Variants in HMX1 observed in about 807,000 individuals in gnomAD.
HMX1 encodes homeobox protein HMX1.
In HMX1, 8 loss-of-function variants were observed where a neutral mutation model predicts 8.9. The ratio of observed to expected loss-of-function variants is 0.90; its 90% CI spans 0.53 to 1.63. HMX1 has a LOEUF of 1.63. Ranked by LOEUF, HMX1 falls within the 40% of genes most tolerant of loss-of-function variation. The pLI, the probability that HMX1 is intolerant of heterozygous loss-of-function variation, is 0.00. For missense variants in HMX1, 621 were observed against 558.5 expected (o/e 1.11, Z -1.13); for synonymous variants, 311 against 283.4 (o/e 1.10, Z -0.98).
At position 8,847,150 on chromosome 4, in the gene HMX1, C is replaced by A. The variant is rs1319531790; in HGVS notation, c.395-826G>T. On this transcript the variant is annotated intron_variant, in intron 1 of 1. Transcript: ENST00000506970. The surrounding 1 kb of genome is among the most constrained non-coding windows in gnomAD (Gnocchi z 6.0). ...AAAGTCTACAAATAAAAGTACAAAG[C>A]CATTGAGCCGGGCGTGGTGAGGGAT... Among the ~76,000 whole-genome samples the A allele has an allele frequency of 6.6e-6, 1 of 152,134 alleles. No homozygotes were observed. The highest frequency in any genetic ancestry group is 1.5e-5 in the Non-Finnish European group (1 of 68,024).
downstream of HMX1, among the ~76,000 whole-genome samples, chr4:8,864,486 ATCT>A (rs1316428342): frequency 6.6e-6 from 1 of 152,150 alleles, no homozygotes. Flanking sequence ...GAAGCCATTC[ATCT>A]TCTGCCAGTG....
chr4:8,862,081 C>T (rs1202915230), downstream of HMX1, among the ~76,000 whole-genome samples: 4 of 152,228 alleles, frequency 2.6e-5, no homozygotes, highest in South Asian at 4.1e-4. Flanking sequence ...GCGCCAGGTG[C>T]CCTGGGTGGG....
chr4:8,859,722 G>A (rs1444750007), intron 1 of HMX1, among the ~76,000 whole-genome samples: 2 of 152,236 alleles, frequency 1.3e-5, no homozygotes, highest in African/African-American at 4.8e-5. Flanking sequence ...ATGTGACGTG[G>A]AGTCGCACTG....
rs1376287271 is a variant in HMX1 at position 8,868,260 on chromosome 4, C to T, written c.480G>A (p.Val160=). 2.1e-6 allele frequency: 3 copies of T among 1,446,780 alleles called. No individual in the cohort carries two copies. The highest frequency in any genetic ancestry group is 2.7e-6 in the Non-Finnish European group (3 of 1,106,946). 89.6% of individuals were successfully genotyped at this position (1,446,780 alleles called of 1,614,324 possible). The stretch of plus-strand genomic sequence containing the variant: ...CCGCCAGCTCCGCTGCCTCCCGCTG[C>T]ACCGCTCCCGGCCCGGGGCCTCGCG... The part of the protein sequence containing the change: ...AWPRGPGPGA[V]QREAAELAAR... Residue 160 remains valine (V), a synonymous_variant, in exon 2 of 2, where the codon GTG becomes GTA. Transcript: ENST00000400677. The surrounding 1 kb of genome is among the most constrained non-coding windows in gnomAD (Gnocchi z 4.6).
Position 8,868,123 on chromosome 4 carries a change from G to C in HMX1, c.617C>G (p.Thr206Arg), listed in dbSNP as rs892961907. The change falls in exon 2 of 2, where the codon ACG (threonine) becomes AGG (arginine). Residue 206 changes from threonine to arginine, a missense_variant. Physicochemically the swap from Thr to Arg is moderately conservative, Grantham distance 71. Transcript: ENST00000400677. This position sits in a 1 kb window ranked among gnomAD's most constrained non-coding sequence, Gnocchi z 4.6. The part of the protein sequence containing the change: ...VGVGGGRKKK[T>R]RTVFSRSQVF... ...CTGGCTGCGGGAGAAGACTGTGCGC[G>C]TCTTCTTCTTTCGGCCGCCGCCCAC... is the stretch of plus-strand genomic sequence containing the variant. The C allele has an allele frequency of 2.0e-6, 3 of 1,515,714 alleles. No individual in the cohort carries two copies. Among genetic ancestry groups the C allele is most frequent in the Non-Finnish European group, 1.8e-6 (2 of 1,136,028 alleles). 93.9% of individuals were successfully genotyped at this position (1,515,714 alleles called of 1,614,324 possible). A position where few individuals can be genotyped will look rare whatever the true frequency, so the allele number is the denominator to read the frequency against.
intron 1 of HMX1, chr4:8,860,594 A>C (rs993339506): frequency 2.6e-5 from 4 of 152,274 alleles, no homozygotes; most frequent in Admixed American, 2.0e-4. Context: ...GGCGGCAGAG[A>C]GCCCCGCGTC....
rs1208649628 is a variant in HMX1 at position 8,870,860 on chromosome 4, C to A, written c.394+361G>T. Among the ~76,000 whole-genome samples, 4 of 145,040 alleles carry A rather than the reference C, an allele frequency of 2.8e-5. No individual in the cohort carries two copies. Among genetic ancestry groups the A allele is most frequent in the South Asian group, 2.3e-4 (1 of 4,436 alleles). On this transcript the variant is annotated intron_variant, in intron 1 of 1. Coordinates refer to ENST00000400677, the MANE Select transcript of HMX1 (RefSeq NM_018942.3). The surrounding 1 kb of genome is among the most constrained non-coding windows in gnomAD (Gnocchi z 4.4). ...CTTTCTTCCTCCATCCTCCCATTTTCTTTCTCAGCCTCTTTCGCCTTCTCC... is the reference window on the plus strand; with the variant it reads ...CTTTCTTCCTCCATCCTCCCATTTTATTTCTCAGCCTCTTTCGCCTTCTCC...
In HMX1 at chr4:8,871,486, C is replaced by T. The variant is rs1722221911; in HGVS notation, c.129G>A (p.Glu43=). ...GRATQGDGSR[E]DEEEDDDDPE... is the part of the protein sequence containing the mutation. ...GGTCGTCGTCGTCCTCCTCCTCGTC[C>T]TCCCGGCTGCCGTCGCCCTGGGTCG... The change falls in exon 1 of 2, where the codon GAG becomes GAA. Residue 43 remains glutamate (E), a synonymous_variant. Transcript: ENST00000400677. The surrounding 1 kb of genome is among the most constrained non-coding windows in gnomAD (Gnocchi z 4.8). 10 of 1,340,302 alleles carry T rather than the reference C, an allele frequency of 7.5e-6. No homozygotes were observed. Among genetic ancestry groups the T allele is most frequent in the Non-Finnish European group, 9.6e-6 (10 of 1,041,890 alleles). The allele number at this position is 1,340,302 out of a possible 1,614,324, so 83.0% of individuals were successfully genotyped here.
At chr4:8,864,962 T>C (rs1312397715), downstream of HMX1, among the ~76,000 whole-genome samples, 1 of 150,510 alleles carries the variant, frequency 6.6e-6, no homozygotes, top group Non-Finnish European at 1.5e-5. Flanking sequence ...GTGTAGACCC[T>C]GCACCCTCTG....
In HMX1 at chr4:8,871,231, G is replaced by C; in HGVS notation, c.384C>G (p.Leu128=). Residue 128 remains leucine, a synonymous_variant, in exon 1 of 2, where the codon CTC becomes CTG. Coordinates refer to ENST00000400677, the MANE Select transcript of HMX1 (RefSeq NM_018942.3). The surrounding 1 kb of genome is among the most constrained non-coding windows in gnomAD (Gnocchi z 4.8). ...PRAHGGYGGG[L]SPDTSDRDSP... is the part of the protein sequence containing the mutation. ...CGCGCCCTCACTCACTGTCAGGACTGAGGCCGCCTCCATAGCCACCGTGCG... is the reference window on the plus strand; with the variant it reads ...CGCGCCCTCACTCACTGTCAGGACTCAGGCCGCCTCCATAGCCACCGTGCG... 1 of 1,480,890 alleles carries C rather than the reference G, an allele frequency of 6.8e-7. No individual in the cohort carries two copies. The highest frequency in any genetic ancestry group is 8.9e-7 in the Non-Finnish European group (1 of 1,122,520). The allele number at this position is 1,480,890 out of a possible 1,614,324, so 91.7% of individuals were successfully genotyped here. A position where few individuals can be genotyped will look rare whatever the true frequency, so the allele number is the denominator to read the frequency against.
At chr4:8,863,262 C>T (rs1721890172), downstream of HMX1, among the ~76,000 whole-genome samples, 1 of 152,206 alleles carries the variant, frequency 6.6e-6, no homozygotes, top group Non-Finnish European at 1.5e-5. Flanking sequence ...AATTCCTGCC[C>T]CTCTCAGAAC....
chr4:8,871,377 C>G lies in HMX1; in HGVS notation c.238G>C (p.Glu80Gln). The G allele has an allele frequency of 8.1e-7, 1 of 1,237,100 alleles. No individual in the cohort carries two copies. Among genetic ancestry groups the G allele is most frequent in the Non-Finnish European group, 1.0e-6 (1 of 988,490 alleles). The allele number at this position is 1,237,100 out of a possible 1,614,324, so 76.6% of individuals were successfully genotyped here. ...CCGAGCAGCGCACGGGCCCGCGCCTCCCCGCCGGGCCCGGTGCCCGCGAGC... is the reference window on the plus strand; with the variant it reads ...CCGAGCAGCGCACGGGCCCGCGCCTGCCCGCCGGGCCCGGTGCCCGCGAGC... Reference protein sequence around the residue: ...QLLAGTGPGGEARARALLGPG... With the variant: ...QLLAGTGPGGQARARALLGPG... The change falls in exon 1 of 2, where the codon GAG (glutamate) becomes CAG (glutamine). Residue 80 changes from glutamate (E) to glutamine (Q), a missense_variant. Physicochemically the swap from Glu to Gln is conservative, Grantham distance 29. Transcript: ENST00000400677. The surrounding 1 kb of genome is among the most constrained non-coding windows in gnomAD (Gnocchi z 4.8).
At chr4:8,861,667 G>T (rs1485248475) in intron 1 of HMX1, among the ~76,000 whole-genome samples, 1 of 151,562 alleles carries the variant, frequency 6.6e-6, no homozygotes, top group South Asian at 2.1e-4. Flanking sequence ...CTTCCCGGGC[G>T]GTTGGCGAAA....
rs565456929 is a variant in HMX1 at position 8,852,588 on chromosome 4, G to C, written c.395-6264C>G. Among the ~76,000 whole-genome samples the C allele has an allele frequency of 1.0e-3, 158 of 151,356 alleles. 1 individual carries two copies. The highest frequency in any genetic ancestry group is 1.7e-3 in the Non-Finnish European group (117 of 68,008). On this transcript the variant is annotated intron_variant, in intron 1 of 1. Transcript: ENST00000506970. The stretch of plus-strand genomic sequence containing the variant: ...GGGGAACTGGACGCATCCCACCCCT[G>C]TGTCTGAGCTCACGGGAGTCAGCCT...
At chr4:8,865,806 C>T (rs548792503), downstream of HMX1, among the ~76,000 whole-genome samples, 10 of 152,280 alleles carry the variant, frequency 6.6e-5, no homozygotes, top group South Asian at 1.7e-3. Context: ...CAGATGAAAC[C>T]GAGTGAGAAC....
chr4:8,852,209 A>G (rs1721472660), intron 1 of HMX1, among the ~76,000 whole-genome samples: 2 of 152,240 alleles, frequency 1.3e-5, no homozygotes, highest in Admixed American at 6.5e-5. Context: ...TTTAGTGGCA[A>G]TTTGTAATAA....
intron 1 of HMX1, among the ~76,000 whole-genome samples, chr4:8,856,773 T>C (rs140068179): frequency 2.6e-5 from 4 of 152,226 alleles, no homozygotes; most frequent in African/African-American, 7.2e-5. Flanking sequence ...AAAAACTACA[T>C]ACATCATGAG....
rs1426480550 is a variant in HMX1, at chr4:8,868,883, T to A, written c.395-538A>T. Among the ~76,000 whole-genome samples, 1 of 152,060 alleles carries A rather than the reference T, an allele frequency of 6.6e-6. No individual in the cohort carries two copies. Among genetic ancestry groups the A allele is most frequent in the East Asian group, 1.9e-4 (1 of 5,166 alleles). The stretch of plus-strand genomic sequence containing the variant: ...AGGAGGAATGAAGAGTTCACAGGCC[T>A]CTTCCCGCGCCCTCTGCCCGCTTGC... On this transcript the variant is annotated intron_variant, in intron 1 of 1. Transcript: ENST00000400677. This position sits in a 1 kb window ranked among gnomAD's most constrained non-coding sequence, Gnocchi z 4.6.
rs985335982 is a variant in HMX1 at position 8,848,170 on chromosome 4, G to A, written c.395-1846C>T. ...AATAAAACTTCGGCATCTGAATGGA[G>A]ATGTGCTGTAAGTAAAAAATGCATA... On this transcript the variant is annotated intron_variant, in intron 1 of 1. Transcript: ENST00000506970. This position sits in a 1 kb window ranked among gnomAD's most constrained non-coding sequence, Gnocchi z 4.1. Among the ~76,000 whole-genome samples the A allele has an allele frequency of 3.0e-4, 45 of 152,204 alleles. No homozygotes were observed. Among genetic ancestry groups the A allele is most frequent in the African/African-American group, 1.1e-3 (45 of 41,450 alleles).
Sources: gnomAD v4.1 joint callset for allele counts (sites outside exome capture counted in the v4.1 genomes callset) on GRCh38, gnomAD v4.1.1 for gene constraint, Gnocchi (gnomAD v3.1) non-coding constraint, MANE v1.5 for transcripts, NCBI Gene and HGNC (gene_info 2026-07-23, HGNC 2026-07-21) for gene names.